ERBIN: variants seen among roughly 807,000 people sequenced by gnomAD.
The protein encoded by ERBIN is erbb2 interacting protein, also known as densin-180-like protein.
Under a neutral mutation model 158.4 loss-of-function variants are expected in ERBIN, and 60 were observed. The observed-to-expected ratio is 0.38, with a 90% CI of 0.31 to 0.47. The LOEUF is 0.47. Among genes scored for constraint, ERBIN ranks in the 20% least tolerant of loss-of-function variants. ERBIN has a pLI of 0.99. For synonymous variants in ERBIN, 594 were observed against 557.2 expected (o/e 1.07, Z -0.93); for missense variants, 1,610 against 1,648.0 (o/e 0.98, Z 0.40).
intron 10 of ERBIN, chr5:66,025,274 C>T: frequency 1.8e-6 from 1 of 554,172 alleles, no homozygotes. Flanking sequence ...CAAATGTACA[C>T]TATGTTAAAT....
intron 1 of ERBIN, among the ~76,000 whole-genome samples, chr5:65,938,089 C>A (rs1744310976): frequency 6.6e-6 from 1 of 152,068 alleles, no homozygotes; most frequent in Non-Finnish European, 1.5e-5. Flanking sequence ...CTTGTCATAT[C>A]TGTGTTTCTT....
intron 14 of ERBIN, among the ~76,000 whole-genome samples, chr5:66,030,122 C>T (rs1756699486): frequency 6.6e-6 from 1 of 152,086 alleles, no homozygotes; most frequent in African/African-American, 2.4e-5. Context: ...ACTGCAACCT[C>T]TGTGCCCCCG....
At chr5:65,958,327 A>G (rs1747493022) in intron 1 of ERBIN, among the ~76,000 whole-genome samples, 1 of 152,190 alleles carries the variant, frequency 6.6e-6, no homozygotes, top group Non-Finnish European at 1.5e-5. Flanking sequence ...CAGCCTGGGC[A>G]ACATTGAGCA....
Position 66,053,636 on chromosome 5 carries a change from A to G in ERBIN, c.2318A>G (p.Asn773Ser). The G allele has an allele frequency of 6.2e-7, 1 of 1,612,704 alleles. No homozygotes were observed. The highest frequency in any genetic ancestry group is 8.5e-7 in the Non-Finnish European group (1 of 1,179,576). ...ATGAATCTTAATAAACTTATAACTA[A>G]TGATACATTTCAACCAGAGATCATG... ...INMNLNKLITNDTFQPEIMER... is the reference protein window; with the variant it reads ...INMNLNKLITSDTFQPEIMER... Residue 773 changes from asparagine to serine, a missense_variant, in exon 21 of 26, where the codon AAT becomes AGT. Around this residue, in one of 2 missense-constraint regions of ERBIN, gnomAD observed 1,014 missense variants for 936.1 expected, o/e 1.08. Coordinates refer to ENST00000284037, the MANE Select transcript of ERBIN (RefSeq NM_001253697.2).
In ERBIN at chr5:66,043,151, G is replaced by T; in HGVS notation, c.1381G>T (p.Ala461Ser). ...EEQRKQRAQV[A>S]FECDEDKDER... is the part of the protein sequence containing the mutation. ...ACAGAGGAAACAGCGGGCTCAAGTT[G>T]CATTTGAATGTGATGAAGACAAAGA... is the stretch of plus-strand genomic sequence containing the variant. Residue 461 changes from alanine to serine, a missense_variant, in exon 16 of 26, where the codon GCA becomes TCA. Ala to Ser is a moderately conservative substitution (Grantham distance 99). This residue lies in a region of ERBIN where 596 missense variants were observed against 711.9 expected (regional missense o/e 0.84). Coordinates refer to ENST00000284037, the MANE Select transcript of ERBIN (RefSeq NM_001253697.2). 1.2e-6 allele frequency: 2 copies of T among 1,613,338 alleles called. No individual in the cohort carries two copies. Among genetic ancestry groups the T allele is most frequent in the Non-Finnish European group, 1.7e-6 (2 of 1,179,392 alleles).
intron 9 of ERBIN, 107 bp downstream of exon 9, chr5:66,023,471 ATTC>A (rs927809862): frequency 3.9e-5 from 24 of 612,818 alleles, no homozygotes; most frequent in Non-Finnish European, 4.4e-5. Context: ...AAATTGAATT[ATTC>A]TTTATTAAAC....
rs75760139 is a variant in ERBIN at position 65,954,002 on chromosome 5, T to A, written c.-58+27196T>A. Among the ~76,000 whole-genome samples, 964 of 152,286 alleles carry A rather than the reference T, an allele frequency of 6.3e-3. 16 individuals are homozygous for A. Among genetic ancestry groups the A allele is most frequent in the African/African-American group, 0.022 (925 of 41,554 alleles). Reference sequence around the variant, plus strand: ...AGAATGTTGGTTTCCCTACACTCGTTACTCCCCTACACTCTCTACTCTCCT... The same window carrying A: ...AGAATGTTGGTTTCCCTACACTCGTAACTCCCCTACACTCTCTACTCTCCT... On this transcript the variant is annotated intron_variant, in intron 1 of 25. Transcript: ENST00000284037.
At chr5:65,963,160 T>A (rs1748107377) in intron 1 of ERBIN, among the ~76,000 whole-genome samples, 1 of 152,246 alleles carries the variant, frequency 6.6e-6, no homozygotes, top group Non-Finnish European at 1.5e-5. Flanking sequence ...TTTTATTGCA[T>A]AACAATAATT....
intron 1 of ERBIN, among the ~76,000 whole-genome samples, chr5:65,950,238 C>G (rs1746335971): frequency 6.6e-6 from 1 of 152,174 alleles, no homozygotes; most frequent in African/African-American, 2.4e-5. Flanking sequence ...ATCTCCTGAC[C>G]TCGTGATCCC....
chr5:66,035,031 G>A (rs1206214446), intron 14 of ERBIN, among the ~76,000 whole-genome samples: 1 of 152,142 alleles, frequency 6.6e-6, no homozygotes, highest in African/African-American at 2.4e-5. Context: ...AGGGCTGCAT[G>A]ATGTCTGTGT....
intron 1 of ERBIN, among the ~76,000 whole-genome samples, chr5:65,927,761 C>T (rs1034992364): frequency 6.6e-6 from 1 of 152,220 alleles, no homozygotes; most frequent in African/African-American, 2.4e-5. Flanking sequence ...GTTCTGCCTA[C>T]ATCTGTGGGG....
At chr5:66,002,556 A>G (rs1445185996) in intron 4 of ERBIN, among the ~76,000 whole-genome samples, 3 of 152,210 alleles carry the variant, frequency 2.0e-5, no homozygotes, top group African/African-American at 7.2e-5. Context: ...GAGAAACCAG[A>G]AAGAGTAGCT....
intron 17 of ERBIN, among the ~76,000 whole-genome samples, chr5:66,045,516 C>G (rs1359181453): frequency 6.6e-6 from 1 of 150,550 alleles, no homozygotes; most frequent in Non-Finnish European, 1.5e-5. Flanking sequence ...GCTATACTGT[C>G]TAGGTTTGTG....
At position 66,080,221 on chromosome 5, in the gene ERBIN, C is replaced by G. The variant is rs933022264; in HGVS notation, c.*1691C>G. The G allele has an allele frequency of 7.2e-5, 11 of 152,496 alleles. No individual in the cohort carries two copies. The highest frequency in any genetic ancestry group is 2.4e-5 in the African/African-American group (1 of 41,430). 9.4% of individuals were successfully genotyped at this position (152,496 alleles called of 1,614,324 possible). A position where few individuals can be genotyped will look rare whatever the true frequency, so the allele number is the denominator to read the frequency against. ...GAGTTGGACTCACTTTCCATTCTTGCTAGTCAGAGTAAGTAGGCAGCACTT... is the reference window on the plus strand; with the variant it reads ...GAGTTGGACTCACTTTCCATTCTTGGTAGTCAGAGTAAGTAGGCAGCACTT... On this transcript the variant is annotated 3_prime_UTR_variant, in exon 26 of 26. Transcript: ENST00000284037.
chr5:65,989,595 T>C (rs1444050874), intron 2 of ERBIN, among the ~76,000 whole-genome samples: 3 of 152,138 alleles, frequency 2.0e-5, no homozygotes, highest in Admixed American at 6.5e-5. Context: ...GAAAAAAAAA[T>C]CGGAAATTGT....
chr5:65,977,664 C>T (rs1421339217), intron 1 of ERBIN, among the ~76,000 whole-genome samples: 1 of 151,684 alleles, frequency 6.6e-6, no homozygotes, highest in East Asian at 1.9e-4. Context: ...ACGCTCCTCA[C>T]TTTCCAGACT....
At chr5:66,078,159 C>T (rs1013893842) in intron 25 of ERBIN, among the ~76,000 whole-genome samples, 1 of 152,156 alleles carries the variant, frequency 6.6e-6, no homozygotes, top group African/African-American at 2.4e-5. Flanking sequence ...TATACGACAC[C>T]ATGTCTGACA....
rs1323044953 is a variant in ERBIN, at chr5:66,046,528, A to G, written c.1778A>G (p.Asp593Gly). 1.9e-6 allele frequency: 3 copies of G among 1,578,994 alleles called. No individual in the cohort carries two copies. The highest frequency in any genetic ancestry group is 2.7e-5 in the African/African-American group (2 of 73,564). Residue 593 changes from aspartate to glycine, a missense_variant, in exon 18 of 26, where the codon GAT becomes GGT. Physicochemically the swap from Asp to Gly is moderately conservative, Grantham distance 94. Coordinates refer to ENST00000284037, the MANE Select transcript of ERBIN (RefSeq NM_001253697.2). ...TTGAAGCATATTGTTAACCATGATG[A>G]TGTTTTTGAGGTATGATTTTATGAT... ...ENLKHIVNHD[D>G]VFEESEELSS...
intron 1 of ERBIN, among the ~76,000 whole-genome samples, chr5:65,929,637 CTTTTTTTTTTTT>C (rs762687200): frequency 6.0e-4 from 73 of 121,670 alleles, no homozygotes; most frequent in Middle Eastern, 4.5e-3. Flanking sequence ...GTCTTTTCCT[CTTTTTTTTTTTT>C]TTTTTTTTCG....
Sources: gnomAD v4.1 joint callset for allele counts (sites outside exome capture counted in the v4.1 genomes callset) on GRCh38, gnomAD v4.1.1 for gene constraint, gnomAD v4.1.1 regional missense constraint, MANE v1.5 for transcripts, NCBI Gene and HGNC (gene_info 2026-07-23, HGNC 2026-07-21) for gene names.